The following ATRNL1 variants were observed in gnomAD, a reference collection of about 807,000 sequenced individuals.
The protein encoded by ATRNL1 is attractin like 1.
ATRNL1 carries 95 observed loss-of-function variants against 182.7 expected under a neutral mutation model. The observed-to-expected ratio is 0.52, with a 90% CI of 0.44 to 0.62. The LOEUF (loss-of-function observed/expected upper bound fraction) is 0.62, where lower values mean the gene tolerates loss of function less well. Ranked by LOEUF, ATRNL1 falls within the 20% of genes least tolerant of loss-of-function variation. ATRNL1 has a pLI of 0.00. For synonymous variants in ATRNL1, 576 were observed against 568.3 expected (o/e 1.01, Z -0.19); for missense variants, 1,471 against 1,679.5 (o/e 0.88, Z 2.17).
chr10:115,184,784 A>G (rs1847879128), intron 8 of ATRNL1, among the ~76,000 whole-genome samples: 1 of 151,952 alleles, frequency 6.6e-6, no homozygotes, highest in Non-Finnish European at 1.5e-5. Context: ...AATGAACCCA[A>G]CTATGTTTCA....
intron 26 of ATRNL1, among the ~76,000 whole-genome samples, chr10:115,707,367 C>A (rs1555053324): frequency 1.3e-5 from 2 of 151,452 alleles, no homozygotes; most frequent in Non-Finnish European, 3.0e-5. Context: ...TTTTGTATTT[C>A]CCAGGCATAA....
intron 28 of ATRNL1, among the ~76,000 whole-genome samples, chr10:115,874,866 G>A (rs1951665808): frequency 6.6e-6 from 1 of 152,144 alleles, no homozygotes; most frequent in Non-Finnish European, 1.5e-5. Context: ...ATTTGATCTG[G>A]TAGGAATTGG....
At chr10:115,399,000 A>G (rs782541411) in intron 20 of ATRNL1, among the ~76,000 whole-genome samples, 12 of 152,094 alleles carry the variant, frequency 7.9e-5, no homozygotes, top group East Asian at 1.9e-4. Context: ...TATATTATGA[A>G]TCACATTTGC....
At chr10:115,777,378 G>A (rs781977638) in intron 27 of ATRNL1, among the ~76,000 whole-genome samples, 1 of 151,744 alleles carries the variant, frequency 6.6e-6, no homozygotes, top group African/African-American at 2.4e-5. Context: ...ATTAATTTCA[G>A]TATAACTTGA....
At chr10:115,788,698 C>T (rs1475551499) in intron 27 of ATRNL1, among the ~76,000 whole-genome samples, 1 of 152,174 alleles carries the variant, frequency 6.6e-6, no homozygotes, top group Non-Finnish European at 1.5e-5. Context: ...GGGCAGAAAA[C>T]CAGTCCCTGG....
chr10:115,275,952 TA>T (rs1852085945), intron 13 of ATRNL1, among the ~76,000 whole-genome samples: 2 of 152,212 alleles, frequency 1.3e-5, no homozygotes, highest in African/African-American at 4.8e-5. Context: ...CTCTCCAAGC[TA>T]TAACATCAAA....
rs75941512 is a variant in ATRNL1 at position 115,373,618 on chromosome 10, G to A, written c.3176-21041G>A. Among the ~76,000 whole-genome samples, 658 of 151,936 alleles carry A rather than the reference G, an allele frequency of 4.3e-3. 4 individuals carry two copies. The highest frequency in any genetic ancestry group is 0.015 in the African/African-American group (627 of 41,484). On this transcript the variant is annotated intron_variant, in intron 19 of 28. Transcript: ENST00000355044. ...GTTGTTCTACATCTACTGATATTAC[G>A]TGATTTTTATTTTTCATTCTCTTAA...
intron 5 of ATRNL1, among the ~76,000 whole-genome samples, chr10:115,139,375 A>G (rs1845662588): frequency 6.6e-6 from 1 of 152,160 alleles, no homozygotes; most frequent in Non-Finnish European, 1.5e-5. Context: ...ATAAAGACAT[A>G]CCTGAGACCA....
At chr10:115,485,065 T>A (rs1367904856) in intron 24 of ATRNL1, among the ~76,000 whole-genome samples, 2 of 152,032 alleles carry the variant, frequency 1.3e-5, no homozygotes, top group Non-Finnish European at 2.9e-5. Flanking sequence ...TTAGTAGGTG[T>A]GCATTGATAT....
intron 23 of ATRNL1, among the ~76,000 whole-genome samples, chr10:115,468,540 T>C (rs1848164399): frequency 6.7e-6 from 1 of 149,228 alleles, no homozygotes; most frequent in South Asian, 2.1e-4. Context: ...GGAAATGCTT[T>C]GTTCTATTTT....
chr10:115,630,853 C>T (rs1318867227), intron 26 of ATRNL1, among the ~76,000 whole-genome samples: 1 of 146,262 alleles, frequency 6.8e-6, no homozygotes, highest in Non-Finnish European at 1.5e-5. Flanking sequence ...CACACACACA[C>T]ACACACACAC....
At position 115,558,507 on chromosome 10, in the gene ATRNL1, G is replaced by A. The variant is rs113893118; in HGVS notation, c.3795+8971G>A. ...TCTCCCTTTCCATCTGAGATGTGGC[G>A]GAAGGGGGAGGGCTGTAGGGAGAGT... On this transcript the variant is annotated intron_variant, in intron 26 of 28. Coordinates refer to ENST00000355044, the MANE Select transcript of ATRNL1 (RefSeq NM_207303.4). Among the ~76,000 whole-genome samples the A allele has an allele frequency of 1.1e-4, 16 of 152,316 alleles. 1 individual carries two copies. The East Asian group carries it at 1.5e-3, about 15-fold the overall frequency.
Position 115,300,133 on chromosome 10 carries a change from G to C in ATRNL1, c.2515G>C (p.Gly839Arg). 1 of 1,613,988 alleles carries C rather than the reference G, an allele frequency of 6.2e-7. No individual in the cohort carries two copies. Among genetic ancestry groups the C allele is most frequent in the Non-Finnish European group, 8.5e-7 (1 of 1,179,874 alleles). Residue 839 changes from glycine to arginine, a missense_variant, in exon 16 of 29, where the codon GGC becomes CGC. Gly to Arg is a moderately radical substitution (Grantham distance 125, BLOSUM62 -2). Transcript: ENST00000355044. ...FTNTTLQWLP[G>R]EPNDSGFCAY... Reference sequence around the variant, plus strand: ...AAACACAACACTACAGTGGCTTCCTGGCGAACCCAATGATTCTGGGTTTTG... The same window carrying C: ...AAACACAACACTACAGTGGCTTCCTCGCGAACCCAATGATTCTGGGTTTTG...
At chr10:115,387,122 C>G (rs1026987637) in intron 19 of ATRNL1, among the ~76,000 whole-genome samples, 1 of 151,696 alleles carries the variant, frequency 6.6e-6, no homozygotes, top group Non-Finnish European at 1.5e-5. Context: ...ACATCATGTC[C>G]TTTGTAGGGA....
At chr10:115,893,057 A>G (rs1373175389) in intron 28 of ATRNL1, among the ~76,000 whole-genome samples, 1 of 152,202 alleles carries the variant, frequency 6.6e-6, no homozygotes, top group Non-Finnish European at 1.5e-5. Flanking sequence ...TTGTGTGCCA[A>G]TGCCTCAATA....
At chr10:115,916,636 G>A (rs782502242) in intron 28 of ATRNL1, among the ~76,000 whole-genome samples, 18 of 152,152 alleles carry the variant, frequency 1.2e-4, no homozygotes, top group Non-Finnish European at 2.4e-4. Flanking sequence ...GTAATCCCAC[G>A]TGCATTAGAA....
intron 19 of ATRNL1, among the ~76,000 whole-genome samples, chr10:115,377,256 C>A (rs1857727745): frequency 6.6e-6 from 1 of 152,242 alleles, no homozygotes; most frequent in African/African-American, 2.4e-5. Context: ...TTTTCCCATA[C>A]TGTTCTTGTG....
At chr10:115,689,865 G>C (rs115200903) in intron 26 of ATRNL1, among the ~76,000 whole-genome samples, 3,986 of 152,190 alleles carry the variant, frequency 0.026, 148 homozygotes, top group African/African-American at 0.088. Flanking sequence ...CATCAGTGGG[G>C]GCACAGTTGT....
intron 28 of ATRNL1, among the ~76,000 whole-genome samples, chr10:115,884,459 A>G (rs1183854154): frequency 6.6e-6 from 1 of 152,180 alleles, no homozygotes; most frequent in African/African-American, 2.4e-5. Context: ...ACAACAACAA[A>G]AAGCATTAGG....
Sources: allele counts gnomAD v4.1 joint callset (sites outside exome capture counted in the v4.1 genomes callset), GRCh38; gene constraint gnomAD v4.1.1; transcripts MANE v1.5; gene names NCBI Gene and HGNC (gene_info 2026-07-23, HGNC 2026-07-21).